The following ADCY2 variants were observed in gnomAD, a reference collection of about 807,000 sequenced individuals.
ADCY2 encodes adenylate cyclase 2.
In ADCY2, 31 loss-of-function variants were observed where a neutral mutation model predicts 125.2. That is an observed-to-expected ratio of 0.25 (90% CI 0.19 to 0.33). ADCY2 has a LOEUF of 0.33. Among genes scored for constraint, ADCY2 ranks in the 10% least tolerant of loss-of-function variants. The pLI is 1.00. For synonymous variants in ADCY2, 512 were observed against 548.4 expected (o/e 0.93, Z 0.93); for missense variants, 904 against 1,418.2 (o/e 0.64, Z 5.82).
At chr5:7,496,868 C>G (rs1001781373) in intron 2 of ADCY2, among the ~76,000 whole-genome samples, 1 of 152,060 alleles carries the variant, frequency 6.6e-6, no homozygotes, top group Non-Finnish European at 1.5e-5. Flanking sequence ...ATGAATATAT[C>G]AGCAATAATA....
intron 3 of ADCY2, among the ~76,000 whole-genome samples, chr5:7,569,943 C>G (rs1398842058): frequency 6.6e-6 from 1 of 152,052 alleles, no homozygotes; most frequent in Non-Finnish European, 1.5e-5. Flanking sequence ...AATGGATAAA[C>G]ATTAATTAAT....
At chr5:7,657,016 T>C (rs1238863345) in intron 4 of ADCY2, among the ~76,000 whole-genome samples, 3 of 152,246 alleles carry the variant, frequency 2.0e-5, no homozygotes, top group Non-Finnish European at 4.4e-5. Flanking sequence ...ATTAAAATTG[T>C]ATGAATTATT....
intron 3 of ADCY2, among the ~76,000 whole-genome samples, chr5:7,567,468 G>A (rs958230566): frequency 6.6e-6 from 1 of 152,062 alleles, no homozygotes. Context: ...CAAGGGCTGT[G>A]TTCTTCTTTG....
chr5:7,521,223 A>G (rs1433158807), intron 3 of ADCY2, among the ~76,000 whole-genome samples: 1 of 152,176 alleles, frequency 6.6e-6, no homozygotes, highest in Non-Finnish European at 1.5e-5. Flanking sequence ...TTCAATACTC[A>G]TTTTTATAGT....
intron 2 of ADCY2, among the ~76,000 whole-genome samples, chr5:7,506,241 A>C (rs552274572): frequency 6.6e-6 from 1 of 152,362 alleles, no homozygotes; most frequent in East Asian, 1.9e-4. Flanking sequence ...AGAATGCCAA[A>C]TATGAAGTTA....
chr5:7,825,366 C>T (rs976746137), intron 24 of ADCY2, among the ~76,000 whole-genome samples: 4 of 151,916 alleles, frequency 2.6e-5, no homozygotes, highest in African/African-American at 9.7e-5. Context: ...TGTTGTGTGC[C>T]GTAACAACGC....
At chr5:7,791,607 T>G (rs1184238832) in intron 20 of ADCY2, among the ~76,000 whole-genome samples, 1 of 152,164 alleles carries the variant, frequency 6.6e-6, no homozygotes, top group Non-Finnish European at 1.5e-5. Flanking sequence ...TTTGGTGGGT[T>G]CTTCAGCACC....
chr5:7,416,317 G>A (rs902277338), intron 2 of ADCY2, among the ~76,000 whole-genome samples: 8 of 152,132 alleles, frequency 5.3e-5, no homozygotes, highest in African/African-American at 1.9e-4. Context: ...AAGACCCGGC[G>A]GGCGCCATCA....
chr5:7,743,792 C>A (rs747960215), intron 15 of ADCY2, 40 bp downstream of exon 15: 1 of 1,585,928 alleles, frequency 6.3e-7, no homozygotes. Context: ...AAAGTATGCT[C>A]ATTTCATGAA....
chr5:7,470,709 A>G (rs1742304462), intron 2 of ADCY2, among the ~76,000 whole-genome samples: 1 of 151,012 alleles, frequency 6.6e-6, no homozygotes, highest in African/African-American at 2.4e-5. Flanking sequence ...TTTGATGAAT[A>G]TTCCTTCTAT....
chr5:7,809,305 A>G (rs1436100790), intron 22 of ADCY2, among the ~76,000 whole-genome samples: 1 of 152,232 alleles, frequency 6.6e-6, no homozygotes, highest in Non-Finnish European at 1.5e-5. Context: ...GATTCTTTAT[A>G]AGGGCATCCT....
chr5:7,805,836 C>G (rs544441855), intron 22 of ADCY2, among the ~76,000 whole-genome samples: 5 of 152,326 alleles, frequency 3.3e-5, no homozygotes, highest in Admixed American at 3.3e-4. Context: ...GGATAGACGT[C>G]TGACTCAAGA....
intron 3 of ADCY2, chr5:7,611,190 T>A (rs143002145): frequency 6.6e-6 from 1 of 152,346 alleles, no homozygotes; most frequent in Non-Finnish European, 1.5e-5. Context: ...GTAAACTCTT[T>A]TGCTGCTTTT....
chr5:7,434,190 C>T (rs994944765), intron 2 of ADCY2, among the ~76,000 whole-genome samples: 25 of 152,256 alleles, frequency 1.6e-4, no homozygotes, highest in African/African-American at 4.6e-4. Flanking sequence ...TAGTCTTACA[C>T]GCATGCATGG....
chr5:7,674,743 T>A (rs1740058636), intron 4 of ADCY2, among the ~76,000 whole-genome samples: 1 of 152,180 alleles, frequency 6.6e-6, no homozygotes, highest in Admixed American at 6.5e-5. Context: ...ATCTTATGCT[T>A]AGCTCTGGAA....
intron 2 of ADCY2, among the ~76,000 whole-genome samples, chr5:7,451,361 A>C (rs1388197646): frequency 1.3e-5 from 2 of 152,170 alleles, no homozygotes. Context: ...TGTTCAATGC[A>C]TGGAGGAAGT....
At chr5:7,654,827 G>A (rs1357888567) in intron 4 of ADCY2, among the ~76,000 whole-genome samples, 1 of 152,212 alleles carries the variant, frequency 6.6e-6, no homozygotes, top group Non-Finnish European at 1.5e-5. Flanking sequence ...GTAAGGGGAA[G>A]CAGCCTAGGA....
At chr5:7,792,931 A>G (rs561565851) in intron 20 of ADCY2, among the ~76,000 whole-genome samples, 18 of 152,244 alleles carry the variant, frequency 1.2e-4, no homozygotes, top group Admixed American at 4.6e-4. Context: ...CGGGCATTTC[A>G]CAGAGGCGTG....
At chr5:7,575,941 G>C (rs1052853794) in intron 3 of ADCY2, among the ~76,000 whole-genome samples, 1 of 152,088 alleles carries the variant, frequency 6.6e-6, no homozygotes, top group African/African-American at 2.4e-5. Context: ...CTGTGAATGC[G>C]TGTGTGTGTA....
Sources: gnomAD v4.1 joint callset for allele counts (sites outside exome capture counted in the v4.1 genomes callset) on GRCh38, gnomAD v4.1.1 for gene constraint, MANE v1.5 for transcripts, NCBI Gene and HGNC (gene_info 2026-07-23, HGNC 2026-07-21) for gene names.